GRAMD1B: variants seen among roughly 807,000 people sequenced by gnomAD.
GRAMD1B encodes protein Aster-B.
A neutral mutation model predicts 99.7 loss-of-function variants in GRAMD1B; 37 were observed. The observed-to-expected ratio is 0.37, with a 90% confidence interval of 0.29 to 0.49. The LOEUF (loss-of-function observed/expected upper bound fraction) is 0.49. GRAMD1B is among the 20% of genes least tolerant of loss of function. The probability of loss-of-function intolerance (pLI) is 0.98; values close to 1 mark genes in which losing one functional copy is unlikely to be tolerated. For missense variants in GRAMD1B, 888 were observed against 1,009.2 expected (o/e 0.88, Z 1.63); for synonymous variants, 427 against 387.6 (o/e 1.10, Z -1.19).
intron 2 of GRAMD1B, among the ~76,000 whole-genome samples, chr11:123,493,258 G>A (rs574708598): frequency 2.0e-5 from 3 of 152,120 alleles, no homozygotes; most frequent in Non-Finnish European, 4.4e-5. Flanking sequence ...GAAGATAATT[G>A]TACTTACTTT....
At chr11:123,368,268 A>C (rs549581824) in intron 1 of GRAMD1B, among the ~76,000 whole-genome samples, 73 of 143,630 alleles carry the variant, frequency 5.1e-4, no homozygotes, top group South Asian at 8.7e-4. Context: ...CAAAAAAAAA[A>C]AAAAAAAAAA....
chr11:123,391,392 C>T (rs867719393), intron 1 of GRAMD1B, among the ~76,000 whole-genome samples: 33 of 152,240 alleles, frequency 2.2e-4, no homozygotes, highest in African/African-American at 7.9e-4. Context: ...TCTGTCACCT[C>T]ATTGAAATCT....
chr11:123,462,506 T>A (rs1484358439), intron 1 of GRAMD1B, among the ~76,000 whole-genome samples: 1 of 152,086 alleles, frequency 6.6e-6, no homozygotes. Flanking sequence ...AGCCCCTGAG[T>A]CCCAGCCCAA....
intron 1 of GRAMD1B, among the ~76,000 whole-genome samples, chr11:123,406,546 C>T (rs540613554): frequency 3.9e-5 from 6 of 152,262 alleles, no homozygotes; most frequent in African/African-American, 9.6e-5. Context: ...GCCACTCTGC[C>T]GGGCCCATTG....
At chr11:123,539,307 A>C (rs571133317) in intron 2 of GRAMD1B, among the ~76,000 whole-genome samples, 2 of 152,260 alleles carry the variant, frequency 1.3e-5, no homozygotes, top group African/African-American at 4.8e-5. Context: ...CGCTTCTTCA[A>C]CACCTGAATT....
intron 1 of GRAMD1B, among the ~76,000 whole-genome samples, chr11:123,371,805 A>T (rs573568226): frequency 6.4e-4 from 97 of 152,142 alleles, no homozygotes; most frequent in Non-Finnish European, 4.4e-5. Flanking sequence ...GTTCTCCATG[A>T]TTTGTCTATC....
chr11:123,611,138 A>G (rs747405892), intron 14 of GRAMD1B, among the ~76,000 whole-genome samples: 1 of 152,226 alleles, frequency 6.6e-6, no homozygotes, highest in Non-Finnish European at 1.5e-5. Flanking sequence ...CTTGGGCTTC[A>G]AGAAGTGCGC....
intron 2 of GRAMD1B, among the ~76,000 whole-genome samples, chr11:123,534,369 C>T (rs1943727559): frequency 6.6e-6 from 1 of 152,154 alleles, no homozygotes; most frequent in African/African-American, 2.4e-5. Flanking sequence ...TCAGAGGCGA[C>T]AGAGGTGAAA....
chr11:123,472,764 T>C (rs1951080073), intron 1 of GRAMD1B, among the ~76,000 whole-genome samples: 1 of 152,150 alleles, frequency 6.6e-6, no homozygotes, highest in African/African-American at 2.4e-5. Flanking sequence ...CTAATCTTAT[T>C]ATCCAGATGG....
chr11:123,505,201 A>T (rs78270527), intron 2 of GRAMD1B, among the ~76,000 whole-genome samples: 3 of 150,688 alleles, frequency 2.0e-5, no homozygotes, highest in African/African-American at 4.9e-5. Flanking sequence ...AAATATATTA[A>T]TTTTTTTTTA....
chr11:123,605,786 G>T (rs998358682), intron 10 of GRAMD1B, among the ~76,000 whole-genome samples: 1 of 152,156 alleles, frequency 6.6e-6, no homozygotes, highest in South Asian at 2.1e-4. Context: ...ACAATTCCAG[G>T]TATTTTTTCA....
intron 1 of GRAMD1B, among the ~76,000 whole-genome samples, chr11:123,421,362 T>G (rs1275033827): frequency 6.6e-6 from 1 of 152,240 alleles, no homozygotes. Context: ...GACTCCTCTG[T>G]GCAGTTTGTT....
chr11:123,522,530 G>A (rs1227789951), intron 2 of GRAMD1B, among the ~76,000 whole-genome samples: 2 of 152,088 alleles, frequency 1.3e-5, no homozygotes, highest in Non-Finnish European at 2.9e-5. Context: ...TGTTGGCAAG[G>A]CTGGTTTCGA....
At chr11:123,579,013 C>T (rs1218950521) in intron 3 of GRAMD1B, among the ~76,000 whole-genome samples, 1 of 152,190 alleles carries the variant, frequency 6.6e-6, no homozygotes. Flanking sequence ...CTAACCACTG[C>T]CCAGACTGGG....
chr11:123,540,639 TA>T (rs746784886), intron 2 of GRAMD1B, among the ~76,000 whole-genome samples: 6 of 152,080 alleles, frequency 3.9e-5, no homozygotes, highest in Non-Finnish European at 5.9e-5. Context: ...GGGCATTGTA[TA>T]AAAATTAGAA....
At chr11:123,602,824 A>G (rs7935338) in intron 8 of GRAMD1B, among the ~76,000 whole-genome samples, 4,038 of 152,268 alleles carry the variant, frequency 0.027, 172 homozygotes, top group African/African-American at 0.091. Flanking sequence ...GGGTAGTCAC[A>G]CGCTTAGGTG....
chr11:123,470,864 A>G (rs1441469130), intron 1 of GRAMD1B, among the ~76,000 whole-genome samples: 1 of 152,186 alleles, frequency 6.6e-6, no homozygotes, highest in Admixed American at 6.5e-5. Flanking sequence ...GGTTTGATCC[A>G]TACCAGTGCT....
At chr11:123,442,799 G>A (rs1949468721) in intron 1 of GRAMD1B, among the ~76,000 whole-genome samples, 3 of 152,022 alleles carry the variant, frequency 2.0e-5, no homozygotes, top group East Asian at 1.9e-4. Context: ...TAAAATAATG[G>A]CTACTCTTTT....
At chr11:123,448,758 G>A (rs1271265975) in intron 1 of GRAMD1B, among the ~76,000 whole-genome samples, 1 of 152,166 alleles carries the variant, frequency 6.6e-6, no homozygotes, top group Non-Finnish European at 1.5e-5. Flanking sequence ...ATTGGGGCTT[G>A]GTACTTTTTG....
Sources: gnomAD v4.1 joint callset for allele counts (sites outside exome capture counted in the v4.1 genomes callset) on GRCh38, gnomAD v4.1.1 for gene constraint, MANE v1.5 for transcripts, NCBI Gene and HGNC (gene_info 2026-07-23, HGNC 2026-07-21) for gene names.